CAST: variants seen among roughly 807,000 people sequenced by gnomAD.
CAST encodes the protein calpastatin.
In CAST, 76 loss-of-function variants were observed where a neutral mutation model predicts 119.6. The observed-to-expected ratio is 0.64, with a 90% CI of 0.53 to 0.77. The LOEUF (loss-of-function observed/expected upper bound fraction) is 0.77, where lower values mean the gene tolerates loss of function less well. CAST is among the 30% of genes least tolerant of loss of function. CAST has a pLI of 0.00. For missense variants in CAST, 953 were observed against 946.5 expected (o/e 1.01, Z -0.09); for synonymous variants, 319 against 331.6 (o/e 0.96, Z 0.41).
At chr5:96,602,153 C>T (rs952737380) in intron 1 of CAST, among the ~76,000 whole-genome samples, 1 of 152,184 alleles carries the variant, frequency 6.6e-6, no homozygotes, top group Non-Finnish European at 1.5e-5. Context: ...TGCTCTGACT[C>T]AAGACACCAT....
At chr5:96,300,729 G>A in the CAST span, among the ~76,000 whole-genome samples, 7 of 151,598 alleles carry the variant, frequency 4.6e-5, no homozygotes, top group South Asian at 4.2e-4. Flanking sequence ...ATCCATGAAC[G>A]TGGGATATCT....
At chr5:96,358,825 G>A in the CAST span, among the ~76,000 whole-genome samples, 5 of 152,148 alleles carry the variant, frequency 3.3e-5, no homozygotes, top group African/African-American at 9.7e-5. Context: ...GTAGTGGAGC[G>A]TTCTGTAGAT....
At chr5:96,519,758 G>A in the CAST span, among the ~76,000 whole-genome samples, 1 of 151,922 alleles carries the variant, frequency 6.6e-6, no homozygotes, top group African/African-American at 2.4e-5. Flanking sequence ...AGGTGCTCGT[G>A]ATCATGCTTT....
chr5:96,734,392 G>A (rs1473462306), intron 9 of CAST, among the ~76,000 whole-genome samples: 4 of 152,192 alleles, frequency 2.6e-5, no homozygotes, highest in Admixed American at 2.6e-4. Flanking sequence ...ATGGGATAGA[G>A]ATAGGAAGGT....
chr5:96,269,405 C>T, the CAST span, among the ~76,000 whole-genome samples: 1 of 152,064 alleles, frequency 6.6e-6, no homozygotes, highest in Non-Finnish European at 1.5e-5. Context: ...GACAAATCAT[C>T]CAGACATAAA....
At position 96,695,868 on chromosome 5, in the gene CAST, C is replaced by T; in HGVS notation, c.171C>T (p.Ser57=). Residue 57 remains serine, a synonymous_variant, in exon 3 of 32, where the codon TCC becomes TCT. Transcript: ENST00000675179. ...CAGCAAGCCTCGGCAGCAGTCAATC[C>T]TCCAGAACCTATGCTGGTGGAACAG... is the stretch of plus-strand genomic sequence containing the variant. The part of the protein sequence containing the change: ...KKAASLGSSQ[S]SRTYAGGTAS... 3 of 1,613,300 alleles carry T rather than the reference C, an allele frequency of 1.9e-6. No homozygotes were observed. Among genetic ancestry groups the T allele is most frequent in the Non-Finnish European group, 2.5e-6 (3 of 1,179,492 alleles).
the CAST span, among the ~76,000 whole-genome samples, chr5:96,169,204 T>C: frequency 6.6e-6 from 1 of 151,972 alleles, no homozygotes. Context: ...AGGTAACAGA[T>C]GAGGATGAAA....
At chr5:96,022,334 C>T in the CAST span, among the ~76,000 whole-genome samples, 136 of 152,288 alleles carry the variant, frequency 8.9e-4, no homozygotes, top group African/African-American at 3.1e-3. Flanking sequence ...TAATTTCTAT[C>T]ATAAACATGT....
intron 19 of CAST, among the ~76,000 whole-genome samples, chr5:96,750,128 T>A (rs1764675491): frequency 6.6e-6 from 1 of 152,330 alleles, no homozygotes; most frequent in East Asian, 1.9e-4. Flanking sequence ...TTTATATAAA[T>A]ACAATATTTT....
chr5:96,645,806 A>T (rs1324773951), intron 1 of CAST, among the ~76,000 whole-genome samples: 1 of 151,756 alleles, frequency 6.6e-6, no homozygotes, highest in Admixed American at 6.6e-5. Context: ...CTAAAGGTCT[A>T]GACACAAAAC....
Position 96,730,897 on chromosome 5 carries a change from G to A in CAST, c.630+37G>A, listed in dbSNP as rs567683511. 17 of 1,470,064 alleles carry A rather than the reference G, an allele frequency of 1.2e-5. No homozygotes were observed. In the East Asian group the frequency reaches 3.8e-4, roughly 33 times the overall value. 91.1% of individuals were successfully genotyped at this position (1,470,064 alleles called of 1,614,324 possible). A position where few individuals can be genotyped will look rare whatever the true frequency, so the allele number is the denominator to read the frequency against. On this transcript the variant is annotated intron_variant, in intron 9 of 31. Coordinates refer to ENST00000675179, the MANE Select transcript of CAST (RefSeq NM_001750.7). ...CAAGCAGACGGAAACGTGGGCCTCT[G>A]TGCTTCTCAAGTTTCTTTTATGAGA...
the CAST span, among the ~76,000 whole-genome samples, chr5:96,432,529 T>G: frequency 6.6e-6 from 1 of 152,214 alleles, no homozygotes; most frequent in Non-Finnish European, 1.5e-5. Context: ...GGTAAGAGCT[T>G]GAGTGTATCT....
the CAST span, among the ~76,000 whole-genome samples, chr5:96,479,307 GAC>G: frequency 1.3e-5 from 2 of 152,294 alleles, no homozygotes; most frequent in African/African-American, 4.8e-5. Context: ...TCAACTTTTT[GAC>G]ACTAGCTCAA....
rs185418979 is a variant in CAST at position 96,699,337 on chromosome 5, G to C, written c.210+3430G>C. 2.6e-3 allele frequency among the ~76,000 whole-genome samples: 392 copies of C among 152,296 alleles called. 1 individual carries two copies. Among genetic ancestry groups the C allele is most frequent in the Non-Finnish European group, 7.1e-4 (48 of 68,020 alleles). On this transcript the variant is annotated intron_variant, in intron 3 of 31. Coordinates refer to ENST00000675179, the MANE Select transcript of CAST (RefSeq NM_001750.7). The stretch of plus-strand genomic sequence containing the variant: ...ACCATGCTATTAAGAAGATGTACTG[G>C]TTAAAGTTGTTAGTTCCAATTAGAA...
intron 20 of CAST, among the ~76,000 whole-genome samples, chr5:96,751,390 C>G (rs1157436522): frequency 1.3e-5 from 2 of 152,194 alleles, no homozygotes; most frequent in African/African-American, 4.8e-5. Flanking sequence ...TAAATTTTCA[C>G]AAGGACACTA....
At chr5:96,527,601 C>T (rs958818440), upstream of CAST, among the ~76,000 whole-genome samples, 1 of 152,106 alleles carries the variant, frequency 6.6e-6, no homozygotes, top group Non-Finnish European at 1.5e-5. Context: ...ATGTCAGTAT[C>T]GTTAAGAAAA....
At chr5:96,003,182 G>A in the CAST span, among the ~76,000 whole-genome samples, 1 of 152,074 alleles carries the variant, frequency 6.6e-6, no homozygotes, top group African/African-American at 2.4e-5. Context: ...CAAGGCTGCA[G>A]TGAGCCATGA....
At chr5:96,559,516 G>C (rs1746313418) in intron 1 of CAST, among the ~76,000 whole-genome samples, 2 of 152,220 alleles carry the variant, frequency 1.3e-5, no homozygotes, top group East Asian at 1.9e-4. Flanking sequence ...AAAGTCTCAG[G>C]ATACAAAATC....
At chr5:96,026,851 C>A in the CAST span, among the ~76,000 whole-genome samples, 1 of 152,068 alleles carries the variant, frequency 6.6e-6, no homozygotes, top group Non-Finnish European at 1.5e-5. Flanking sequence ...TTAGTATTTG[C>A]AAATGTTATG....
Sources: allele counts gnomAD v4.1 joint callset (sites outside exome capture counted in the v4.1 genomes callset), GRCh38; gene constraint gnomAD v4.1.1; transcripts MANE v1.5; gene names NCBI Gene and HGNC (gene_info 2026-07-23, HGNC 2026-07-21).